USP32: variants seen among roughly 807,000 people sequenced by gnomAD.
USP32 encodes ubiquitin carboxyl-terminal hydrolase 32.
A neutral mutation model predicts 204.8 loss-of-function variants in USP32; 59 were observed. That is an observed-to-expected ratio of 0.29 (90% CI 0.23 to 0.36). The LOEUF is 0.36. USP32 is among the 10% of genes least tolerant of loss of function. USP32 has a pLI of 1.00. For missense variants in USP32, 1,160 were observed against 1,946.4 expected (o/e 0.60, Z 7.60); for synonymous variants, 517 against 678.4 (o/e 0.76, Z 3.70).
At chr17:60,227,574 TTTC>T (rs1367998706) in intron 12 of USP32, among the ~76,000 whole-genome samples, 1 of 151,444 alleles carries the variant, frequency 6.6e-6, no homozygotes, top group Non-Finnish European at 1.5e-5. Flanking sequence ...CCATTCAGTT[TTTC>T]TTTTCTTTTT....
intron 2 of USP32, 24 bp from the exon 3 acceptor site, chr17:60,301,728 C>T (rs761255529): frequency 2.7e-6 from 4 of 1,503,800 alleles, no homozygotes; most frequent in Non-Finnish European, 3.6e-6. Context: ...ATAAAGCCAA[C>T]CTTAGGAGGC....
chr17:60,360,607 A>G (rs2089186696), intron 1 of USP32, among the ~76,000 whole-genome samples: 1 of 151,876 alleles, frequency 6.6e-6, no homozygotes, highest in South Asian at 2.1e-4. Context: ...GCAGGGAGGC[A>G]GAGGTTGCAG....
At chr17:60,298,509 G>A (rs886980646) in intron 3 of USP32, among the ~76,000 whole-genome samples, 3 of 152,032 alleles carry the variant, frequency 2.0e-5, no homozygotes, top group African/African-American at 7.2e-5. Flanking sequence ...TGAATACTAT[G>A]TAAATAGTTG....
At chr17:60,392,321 G>A (rs1209351404), upstream of USP32, 1 of 317,184 alleles carries the variant, frequency 3.2e-6, no homozygotes, top group Non-Finnish European at 6.0e-6. Flanking sequence ...CGCACGCTCC[G>A]CCCCTCCCCA....
intron 10 of USP32, among the ~76,000 whole-genome samples, chr17:60,252,701 G>C (rs2086199038): frequency 6.6e-6 from 1 of 152,114 alleles, no homozygotes; most frequent in Admixed American, 6.6e-5. Flanking sequence ...GGAAGAAAAA[G>C]CGAAAGGGGA....
At chr17:60,272,687 G>A (rs1325269290) in intron 5 of USP32, among the ~76,000 whole-genome samples, 3 of 152,188 alleles carry the variant, frequency 2.0e-5, no homozygotes, top group Admixed American at 2.0e-4. Flanking sequence ...CAAATAAGGT[G>A]AACCCTTTCA....
At chr17:60,222,340 A>G (rs2145569309) in intron 15 of USP32, 69 bp downstream of exon 15, 2 of 1,549,314 alleles carry the variant, frequency 1.3e-6, no homozygotes, top group African/African-American at 2.7e-5. Context: ...TGAGAGTCAC[A>G]TAGAAAAAGT....
At chr17:60,346,026 G>A (rs1391784602) in intron 1 of USP32, among the ~76,000 whole-genome samples, 2 of 151,798 alleles carry the variant, frequency 1.3e-5, no homozygotes, top group Non-Finnish European at 2.9e-5. Flanking sequence ...AAATTGGCAA[G>A]CATTACACTT....
chr17:60,203,340 G>C (rs1489751415), intron 26 of USP32, among the ~76,000 whole-genome samples: 1 of 143,738 alleles, frequency 7.0e-6, no homozygotes, highest in Non-Finnish European at 1.5e-5. Context: ...GGCGGAGGCT[G>C]CAGTGAGTGG....
chr17:60,235,807 A>C (rs567976576), intron 12 of USP32, among the ~76,000 whole-genome samples: 1 of 152,350 alleles, frequency 6.6e-6, no homozygotes, highest in Non-Finnish European at 1.5e-5. Flanking sequence ...CAGGTTCCCC[A>C]CAGGTAAAAT....
At position 60,180,537 on chromosome 17, in the gene USP32, A is replaced by G; in HGVS notation, c.4641+8T>C. On this transcript the variant is annotated splice_region_variant and intron_variant, in intron 33 of 33. Coordinates refer to ENST00000300896, the MANE Select transcript of USP32 (RefSeq NM_032582.4). The stretch of plus-strand genomic sequence containing the variant: ...TCTAACTTTCATTCAAAGACTGAGA[A>G]TGTTTACCTTACAGCTGCTGTCATT... The G allele has an allele frequency of 6.2e-7, 1 of 1,613,184 alleles. No individual in the cohort carries two copies. Among genetic ancestry groups the G allele is most frequent in the Non-Finnish European group, 8.5e-7 (1 of 1,179,222 alleles).
At position 60,213,807 on chromosome 17, in the gene USP32, T is replaced by A. The variant is rs185628342; in HGVS notation, c.2023-145A>T. On this transcript the variant is annotated intron_variant, in intron 17 of 33. Coordinates refer to ENST00000300896, the MANE Select transcript of USP32 (RefSeq NM_032582.4). ...ATATCTGGCCTACTATAGTTGTTCA[T>A]AAATATTTATAACTTAGGTGGCAGT... is the stretch of plus-strand genomic sequence containing the variant. 99 of 782,274 alleles carry A rather than the reference T, an allele frequency of 1.3e-4. No individual in the cohort carries two copies. The Middle Eastern group carries it at 2.5e-3, about 20-fold the overall frequency. The allele number at this position is 782,274 out of a possible 1,614,324, so 48.5% of individuals were successfully genotyped here. A position where few individuals can be genotyped will look rare whatever the true frequency, so the allele number is the denominator to read the frequency against.
At chr17:60,349,928 T>C (rs1462175383) in intron 1 of USP32, among the ~76,000 whole-genome samples, 1 of 151,036 alleles carries the variant, frequency 6.6e-6, no homozygotes, top group African/African-American at 2.4e-5. Context: ...TTGAAAATTT[T>C]GAAAATAAAA....
chr17:60,413,160 C>T (rs1201327630), intron 1 of USP32, among the ~76,000 whole-genome samples: 1 of 152,094 alleles, frequency 6.6e-6, no homozygotes, highest in Non-Finnish European at 1.5e-5. Flanking sequence ...TTGGGAGAAG[C>T]AGGAGTTGGA....
At chr17:60,336,988 T>C (rs1009912011) in intron 2 of USP32, among the ~76,000 whole-genome samples, 3 of 152,318 alleles carry the variant, frequency 2.0e-5, no homozygotes, top group South Asian at 2.1e-4. Context: ...ATTACAACAG[T>C]CAGTGACCAA....
chr17:60,366,567 G>A (rs905028346), intron 1 of USP32, among the ~76,000 whole-genome samples: 2 of 151,862 alleles, frequency 1.3e-5, no homozygotes, highest in Non-Finnish European at 2.9e-5. Flanking sequence ...CACCCAGCCC[G>A]CCATTTTTTA....
At chr17:60,302,564 A>G (rs1410987761) in intron 2 of USP32, among the ~76,000 whole-genome samples, 1 of 152,234 alleles carries the variant, frequency 6.6e-6, no homozygotes, top group African/African-American at 2.4e-5. Flanking sequence ...CTGTAATCCC[A>G]GGTAAGTAGA....
At chr17:60,404,260 C>T (rs2089959052) in intron 1 of USP32, among the ~76,000 whole-genome samples, 1 of 151,992 alleles carries the variant, frequency 6.6e-6, no homozygotes, top group Non-Finnish European at 1.5e-5. Flanking sequence ...GCAAATTGAG[C>T]AGATGTTAAT....
intron 26 of USP32, among the ~76,000 whole-genome samples, chr17:60,199,248 C>T (rs1385211287): frequency 6.6e-6 from 1 of 151,618 alleles, no homozygotes; most frequent in Non-Finnish European, 1.5e-5. Context: ...ATTTGTGAAA[C>T]CTAGTAATTC....
Sources: gnomAD v4.1 joint callset for allele counts (sites outside exome capture counted in the v4.1 genomes callset) on GRCh38, gnomAD v4.1.1 for gene constraint, MANE v1.5 for transcripts, NCBI Gene and HGNC (gene_info 2026-07-23, HGNC 2026-07-21) for gene names.